PDGFA: variants seen among roughly 807,000 people sequenced by gnomAD.
PDGFA encodes the protein platelet-derived growth factor subunit A.
A neutral mutation model predicts 25.6 loss-of-function variants in PDGFA; 9 were observed. The observed-to-expected ratio is 0.35, with a 90% CI of 0.21 to 0.61. The LOEUF is 0.61. Ranked by LOEUF, PDGFA falls within the 20% of genes least tolerant of loss-of-function variation. PDGFA has a pLI of 0.75. For synonymous variants in PDGFA, 133 were observed against 111.8 expected (o/e 1.19, Z -1.20); for missense variants, 242 against 272.8 (o/e 0.89, Z 0.79).
intron 2 of PDGFA, among the ~76,000 whole-genome samples, chr7:515,199 C>T (rs1172623424): frequency 6.6e-6 from 1 of 152,176 alleles, no homozygotes; most frequent in Non-Finnish European, 1.5e-5. Flanking sequence ...AAAGGGACTC[C>T]GAGGGAAAGT....
rs182574604 is a variant in PDGFA at position 503,743 on chromosome 7, G to A, written c.454-2501C>T. Among the ~76,000 whole-genome samples the A allele has an allele frequency of 1.1e-4, 17 of 152,312 alleles. No individual in the cohort carries two copies. In the East Asian group the frequency reaches 1.7e-3, roughly 16 times the overall value. On this transcript the variant is annotated intron_variant, in intron 4 of 5. Coordinates refer to ENST00000402802, the Ensembl canonical transcript of PDGFA. ...CACAGTGCAAAGGGTGCCTGCAGGCGTGTGAAGTGGTCTGGGCTGCCTGGG... is the reference window on the plus strand; with the variant it reads ...CACAGTGCAAAGGGTGCCTGCAGGCATGTGAAGTGGTCTGGGCTGCCTGGG...
At chr7:520,695 C>G (rs1272922780), upstream of PDGFA, 2 of 152,318 alleles carry the variant, frequency 1.3e-5, no homozygotes, top group Non-Finnish European at 2.9e-5. Context: ...CACCTCCGGC[C>G]GAGGCGCAGC....
At chr7:515,998 A>C (rs868061276) in intron 2 of PDGFA, among the ~76,000 whole-genome samples, 4,686 of 75,960 alleles carry the variant, frequency 0.062, no homozygotes, top group African/African-American at 0.11. Flanking sequence ...TTCTGCTAGC[A>C]CCCCCCCCCA....
At chr7:498,141 G>A (rs12720035) in exon 6 of PDGFA, 9 of 209,030 alleles carry the variant, frequency 4.3e-5, no homozygotes, top group South Asian at 2.7e-4. Context: ...CTCTGGAGTC[G>A]TTCCCAAAGC....
rs150215371 is a variant in PDGFA, at chr7:500,239, C to T, written c.580+877G>A. Among the ~76,000 whole-genome samples, 6 of 152,198 alleles carry T rather than the reference C, an allele frequency of 3.9e-5. No homozygotes were observed. Among genetic ancestry groups the T allele is most frequent in the Middle Eastern group, 3.2e-3 (1 of 316 alleles). On this transcript the variant is annotated intron_variant, in intron 5 of 5. Coordinates refer to ENST00000402802, the Ensembl canonical transcript of PDGFA. This position sits in a 1 kb window ranked among gnomAD's most constrained non-coding sequence, Gnocchi z 5.0. ...CAGGCTCCCAAGCGGGAGTGAGCCA[C>T]GGGCCAGGGCGTTCTGCGAGGCAGG...
At chr7:516,887 C>G (rs1004729098) in intron 2 of PDGFA, among the ~76,000 whole-genome samples, 3 of 152,166 alleles carry the variant, frequency 2.0e-5, no homozygotes, top group African/African-American at 7.2e-5. Context: ...AGAGGCCCAG[C>G]CCTGCGGCAA....
Position 508,600 on chromosome 7 carries a change from G to A in PDGFA, c.453+2209C>T, listed in dbSNP as rs1782672011. Among the ~76,000 whole-genome samples, 5 of 122,740 alleles carry A rather than the reference G, an allele frequency of 4.1e-5. No homozygotes were observed. The South Asian group carries it at 1.3e-3, about 33-fold the overall frequency. 80.5% of individuals were successfully genotyped at this position (122,740 alleles called of 152,430 possible). On this transcript the variant is annotated intron_variant, in intron 4 of 5. Transcript: ENST00000402802. Reference sequence around the variant, plus strand: ...AAAAAAAAAAAAAATTCTCAGCTGAGGCCAAGCCAGGAGGCTCTGAGTCAA... The same window carrying A: ...AAAAAAAAAAAAAATTCTCAGCTGAAGCCAAGCCAGGAGGCTCTGAGTCAA...
Position 500,488 on chromosome 7 carries a change from C to A in PDGFA, c.580+628G>T, listed in dbSNP as rs969532630. 13 of 1,613,912 alleles carry A rather than the reference C, an allele frequency of 8.1e-6. No individual in the cohort carries two copies. The highest frequency in any genetic ancestry group is 1.3e-5 in the African/African-American group (1 of 74,920). On this transcript the variant is annotated intron_variant, in intron 5 of 5. Transcript: ENST00000402802. This position sits in a 1 kb window ranked among gnomAD's most constrained non-coding sequence, Gnocchi z 5.0. ...TTTCTTTTCCGTTTTTTACCTGACTCCCTAGGCCTTCCTGTTAACAAAAGG... is the reference window on the plus strand; with the variant it reads ...TTTCTTTTCCGTTTTTTACCTGACTACCTAGGCCTTCCTGTTAACAAAAGG...
intron 2 of PDGFA, among the ~76,000 whole-genome samples, chr7:515,318 G>T (rs1418725086): frequency 6.6e-6 from 1 of 152,144 alleles, no homozygotes; most frequent in Non-Finnish European, 1.5e-5. Context: ...GGGAGTCCAG[G>T]ACCCGGAGGG....
intron 3 of PDGFA, 139 bp from the exon 4 acceptor site, chr7:511,135 TGAG>T: frequency 1.5e-6 from 1 of 685,914 alleles, no homozygotes; most frequent in Non-Finnish European, 2.5e-6. Flanking sequence ...CAGCAGAGGC[TGAG>T]CTGGGAGCAG....
In PDGFA at chr7:517,674, G is replaced by A. The variant is rs566265773; in HGVS notation, c.64-184C>T. 1.1e-3 allele frequency among the ~76,000 whole-genome samples: 167 copies of A among 151,646 alleles called. 3 individuals carry two copies. The South Asian group carries it at 0.033, about 30-fold the overall frequency. ...GAACCAGAAGCCGGGGGTGGGGCTG[G>A]AAGAGACCCCAAATTCTCCACCCGC... On this transcript the variant is annotated intron_variant, in intron 1 of 5. Coordinates refer to ENST00000402802, the Ensembl canonical transcript of PDGFA. This position sits in a 1 kb window ranked among gnomAD's most constrained non-coding sequence, Gnocchi z 7.4.
chr7:506,899 G>A (rs1017541297), intron 4 of PDGFA, among the ~76,000 whole-genome samples: 3 of 152,120 alleles, frequency 2.0e-5, no homozygotes, highest in Non-Finnish European at 2.9e-5. Context: ...AATGTTGACC[G>A]GAAAGGCATA....
chr7:517,665 G>A lies in PDGFA; in HGVS notation c.64-175C>T, dbSNP rs967687840. The stretch of plus-strand genomic sequence containing the variant: ...CCGGCCCTGGAACCAGAAGCCGGGG[G>A]TGGGGCTGGAAGAGACCCCAAATTC... On this transcript the variant is annotated intron_variant, in intron 1 of 5. Coordinates refer to ENST00000402802, the Ensembl canonical transcript of PDGFA. The surrounding 1 kb of genome is among the most constrained non-coding windows in gnomAD (Gnocchi z 7.4). Among the ~76,000 whole-genome samples, 2 of 151,482 alleles carry A rather than the reference G, an allele frequency of 1.3e-5. No homozygotes were observed. The highest frequency in any genetic ancestry group is 2.9e-5 in the Non-Finnish European group (2 of 67,850).
At chr7:502,768 T>TCA (rs71016866) in intron 4 of PDGFA, among the ~76,000 whole-genome samples, 19,262 of 125,906 alleles carry the variant, frequency 0.15, 1,416 homozygotes, top group Middle Eastern at 0.21. Context: ...AGGCAAGAAA[T>TCA]CACACACACA....
intron 4 of PDGFA, among the ~76,000 whole-genome samples, chr7:509,312 G>C (rs953685050): frequency 5.3e-5 from 8 of 152,130 alleles, no homozygotes; most frequent in Admixed American, 1.3e-4. Flanking sequence ...TTTTCTTAGA[G>C]ACGGAGTCTT....
At chr7:512,544 T>G (rs1469807365) in intron 2 of PDGFA, 89 bp from the exon 3 acceptor site, 4 of 1,588,550 alleles carry the variant, frequency 2.5e-6, no homozygotes, top group East Asian at 2.3e-5. Flanking sequence ...AGACCAGCTT[T>G]GGGAGCCACT....
intron 2 of PDGFA, among the ~76,000 whole-genome samples, chr7:514,431 C>G (rs545264961): frequency 6.6e-6 from 1 of 152,206 alleles, no homozygotes; most frequent in Non-Finnish European, 1.5e-5. Flanking sequence ...ACCAAGCCCA[C>G]CCTTTGCTCC....
intron 4 of PDGFA, 113 bp downstream of exon 4, chr7:510,696 G>A (rs1330653403): frequency 1.3e-5 from 6 of 474,578 alleles, no homozygotes; most frequent in South Asian, 2.0e-5. Context: ...GGGCGGCCCC[G>A]GGCTTGGGTG....
Position 512,459 on chromosome 7 carries a change from C to T in PDGFA, c.161-4G>A. Reference sequence around the variant, plus strand: ...GTGTCCAAAGAATCCTCACTCCCTGCAGGCGGAAGGAGAACACCGTGAATG... The same window carrying T: ...GTGTCCAAAGAATCCTCACTCCCTGTAGGCGGAAGGAGAACACCGTGAATG... On this transcript the variant is annotated splice_region_variant and splice_polypyrimidine_tract_variant and intron_variant, in intron 2 of 5. Coordinates refer to ENST00000402802, the Ensembl canonical transcript of PDGFA. 6.2e-7 allele frequency: 1 copy of T among 1,613,556 alleles called. No individual in the cohort carries two copies. The highest frequency in any genetic ancestry group is 8.5e-7 in the Non-Finnish European group (1 of 1,179,972).
Sources: gnomAD v4.1 joint callset for allele counts (sites outside exome capture counted in the v4.1 genomes callset) on GRCh38, gnomAD v4.1.1 for gene constraint, Gnocchi (gnomAD v3.1) non-coding constraint, MANE v1.5 for transcripts, NCBI Gene and HGNC (gene_info 2026-07-23, HGNC 2026-07-21) for gene names.